Variants in FGD5 observed in about 807,000 individuals in gnomAD.
The protein encoded by FGD5 is FYVE, RhoGEF and PH domain-containing protein 5.
A neutral mutation model predicts 133.4 loss-of-function variants in FGD5; 28 were observed. That is an observed-to-expected ratio of 0.21 (90% CI 0.16 to 0.29). The LOEUF (loss-of-function observed/expected upper bound fraction) is 0.29, where lower values mean the gene tolerates loss of function less well. FGD5 is among the 10% of genes least tolerant of loss of function. The probability of loss-of-function intolerance (pLI) is 1.00; values close to 1 mark genes in which losing one functional copy is unlikely to be tolerated. For missense variants in FGD5, 1,858 were observed against 1,895.2 expected, an observed-to-expected ratio of 0.98 and a Z score of 0.36; for synonymous variants, 810 against 776.5, an observed-to-expected ratio of 1.04 and a Z score of -0.72.
intron 7 of FGD5, 83 bp from the exon 8 acceptor site, chr3:14,900,320 G>T: frequency 7.2e-7 from 1 of 1,392,696 alleles, no homozygotes. Context: ...TCCAACTCTG[G>T]CAAGAGAGGG....
chr3:14,917,415 G>C lies in FGD5; in HGVS notation c.3489+83G>C. 2 of 1,292,134 alleles carry C rather than the reference G, an allele frequency of 1.5e-6. No homozygotes were observed. The highest frequency in any genetic ancestry group is 2.2e-6 in the Non-Finnish European group (2 of 916,276). 80.0% of individuals were successfully genotyped at this position (1,292,134 alleles called of 1,614,324 possible). A position where few individuals can be genotyped will look rare whatever the true frequency, so the allele number is the denominator to read the frequency against. On this transcript the variant is annotated intron_variant, in intron 12 of 19. Coordinates refer to ENST00000285046, the MANE Select transcript of FGD5 (RefSeq NM_152536.4). The surrounding 1 kb of genome is among the most constrained non-coding windows in gnomAD (Gnocchi z 4.1). ...AGGGGACAGCATCCTGCTCCCAGGA[G>C]CACCCAGACCAGCTGGAAGAGGGAG...
intron 4 of FGD5, chr3:14,882,401 A>G: frequency 1.0e-6 from 1 of 968,408 alleles, no homozygotes; most frequent in Non-Finnish European, 1.2e-6. Context: ...GAGAGCCCAT[A>G]AAAGTCATCA....
rs143575156 is a variant in FGD5 at position 14,885,369 on chromosome 3, C to T, written c.2748+4597C>T. ...GCAAGACTGCTTTCTCTAGATGTCG[C>T]GGTAGATAACCTCAGTGCCAGGGAG... is the stretch of plus-strand genomic sequence containing the variant. On this transcript the variant is annotated intron_variant, in intron 4 of 19. Coordinates refer to ENST00000285046, the MANE Select transcript of FGD5 (RefSeq NM_152536.4). Among the ~76,000 whole-genome samples the T allele has an allele frequency of 3.3e-4, 50 of 152,110 alleles. 1 individual carries two copies. The highest frequency in any genetic ancestry group is 8.9e-4 in the African/African-American group (37 of 41,516).
chr3:14,810,830 G>A (rs2036280678), upstream of FGD5: 2 of 984,866 alleles, frequency 2.0e-6, no homozygotes, highest in Non-Finnish European at 2.4e-6. Context: ...CGCCGACGGC[G>A]GCCCGGGCCC....
intron 1 of FGD5, among the ~76,000 whole-genome samples, chr3:14,826,380 T>C (rs1387380800): frequency 2.0e-5 from 3 of 152,168 alleles, no homozygotes; most frequent in African/African-American, 7.2e-5. Flanking sequence ...TTATGGTAGC[T>C]TTTTCTGTTT....
chr3:14,851,305 T>A (rs1455793688), intron 1 of FGD5, among the ~76,000 whole-genome samples: 1 of 152,192 alleles, frequency 6.6e-6, no homozygotes, highest in African/African-American at 2.4e-5. Context: ...ACTGATATCA[T>A]CTCCATGTTA....
At chr3:14,924,392 T>A (rs867569067) in intron 17 of FGD5, among the ~76,000 whole-genome samples, 13 of 152,246 alleles carry the variant, frequency 8.5e-5, no homozygotes, top group Middle Eastern at 3.4e-3. Context: ...GCCCCATAGC[T>A]TAGATCTAGT....
At chr3:14,833,088 A>C (rs1355999074) in intron 1 of FGD5, among the ~76,000 whole-genome samples, 2 of 152,182 alleles carry the variant, frequency 1.3e-5, no homozygotes, top group African/African-American at 4.8e-5. Context: ...AGAATGCCCC[A>C]AGACTGTCCA....
intron 9 of FGD5, among the ~76,000 whole-genome samples, chr3:14,903,845 C>T (rs1484477397): frequency 6.6e-6 from 1 of 152,110 alleles, no homozygotes; most frequent in Non-Finnish European, 1.5e-5. Context: ...CTTCCAGGAC[C>T]CCACATGCTG....
chr3:14,894,523 T>TTTTTTTTTTTTA (rs1559496788), intron 4 of FGD5, among the ~76,000 whole-genome samples: 5 of 124,596 alleles, frequency 4.0e-5, no homozygotes, highest in South Asian at 2.5e-4. Flanking sequence ...TTTTTTTTTT[T>TTTTTTTTTTTTA]TTCCTTTTTT....
intron 2 of FGD5, among the ~76,000 whole-genome samples, chr3:14,867,505 T>C (rs902765090): frequency 6.6e-6 from 1 of 152,012 alleles, no homozygotes; most frequent in African/African-American, 2.4e-5. Context: ...CAGAAGGCAA[T>C]CAATGGACCA....
intron 2 of FGD5, among the ~76,000 whole-genome samples, chr3:14,873,952 C>A (rs2037665061): frequency 6.6e-6 from 1 of 152,046 alleles, no homozygotes; most frequent in Admixed American, 6.5e-5. Flanking sequence ...GAACTCCTGA[C>A]CTCAGGTGAT....
intron 17 of FGD5, among the ~76,000 whole-genome samples, chr3:14,925,742 A>T (rs2038790226): frequency 6.6e-6 from 1 of 152,228 alleles, no homozygotes. Context: ...AGTTAATTTT[A>T]GAAGGAAGAA....
chr3:14,867,873 G>A (rs13084708), intron 2 of FGD5, among the ~76,000 whole-genome samples: 86,613 of 151,954 alleles, frequency 0.57, 25,119 homozygotes, highest in African/African-American at 0.64. Flanking sequence ...GAGCAGACCA[G>A]GGAAGGTGTG....
At chr3:14,889,779 T>C (rs1242037625) in intron 4 of FGD5, among the ~76,000 whole-genome samples, 1 of 152,160 alleles carries the variant, frequency 6.6e-6, no homozygotes, top group Non-Finnish European at 1.5e-5. Context: ...TTAATTTGCA[T>C]TTCCCTGATG....
intron 1 of FGD5, among the ~76,000 whole-genome samples, chr3:14,843,632 T>C (rs2036967675): frequency 6.7e-6 from 1 of 149,848 alleles, no homozygotes; most frequent in South Asian, 2.1e-4. Flanking sequence ...ACCAGTCTGC[T>C]GGCTGGAAGG....
intron 4 of FGD5, chr3:14,897,186 C>A: frequency 7.0e-6 from 2 of 284,784 alleles, no homozygotes; most frequent in South Asian, 6.0e-5. Context: ...AAGGAATTAC[C>A]CAATCTCTCC....
chr3:14,840,134 T>G (rs1207088870), intron 1 of FGD5, among the ~76,000 whole-genome samples: 2 of 129,118 alleles, frequency 1.5e-5, no homozygotes, highest in Admixed American at 1.7e-4. Flanking sequence ...ACATTTACAT[T>G]TATGTTTCTT....
intron 4 of FGD5, among the ~76,000 whole-genome samples, chr3:14,883,423 C>T (rs375689112): frequency 1.3e-5 from 2 of 152,200 alleles, no homozygotes; most frequent in Non-Finnish European, 2.9e-5. Context: ...CCTAGCCAGC[C>T]AGCCTTTCAC....
Sources: gnomAD v4.1 joint callset for allele counts (sites outside exome capture counted in the v4.1 genomes callset) on GRCh38, gnomAD v4.1.1 for gene constraint, Gnocchi (gnomAD v3.1) non-coding constraint, MANE v1.5 for transcripts, NCBI Gene and HGNC (gene_info 2026-07-23, HGNC 2026-07-21) for gene names.